The following WLS variants were observed in gnomAD, a reference collection of about 807,000 sequenced individuals.
The protein encoded by WLS is Wnt ligand secretion mediator.
Under a neutral mutation model 62.8 loss-of-function variants are expected in WLS, and 23 were observed. That is an observed-to-expected ratio of 0.37 (90% confidence interval 0.26 to 0.52). The LOEUF is 0.52. Ranked by LOEUF, WLS falls within the 20% of genes least tolerant of loss-of-function variation. The probability of loss-of-function intolerance (pLI) is 0.92; values close to 1 mark genes in which losing one functional copy is unlikely to be tolerated. For synonymous variants in WLS, 246 were observed against 244.1 expected (o/e 1.01, Z -0.07); for missense variants, 615 against 697.3 (o/e 0.88, Z 1.33).
At chr1:68,141,091 A>G (rs142690064) in intron 10 of WLS, among the ~76,000 whole-genome samples, 1 of 152,046 alleles carries the variant, frequency 6.6e-6, no homozygotes, top group African/African-American at 2.4e-5. Context: ...TTTGTGTGAA[A>G]CCACCCAATT....
At chr1:68,131,040 A>C (rs951381614) in intron 11 of WLS, among the ~76,000 whole-genome samples, 2 of 148,198 alleles carry the variant, frequency 1.3e-5, no homozygotes, top group African/African-American at 5.0e-5. Context: ...CTACAGGCGC[A>C]TGCCACCATG....
intron 5 of WLS, among the ~76,000 whole-genome samples, chr1:68,153,037 G>A (rs1228038125): frequency 6.6e-6 from 1 of 152,186 alleles, no homozygotes; most frequent in East Asian, 1.9e-4. Flanking sequence ...CCAGCACTTT[G>A]GGAAGCTGAA....
intron 1 of WLS, among the ~76,000 whole-genome samples, chr1:68,219,636 G>A (rs1649865204): frequency 6.6e-6 from 1 of 152,044 alleles, no homozygotes; most frequent in African/African-American, 2.4e-5. Flanking sequence ...AGATATTATT[G>A]GGTACCTACA....
chr1:68,162,394 A>G, intron 2 of WLS: 1 of 1,613,932 alleles, frequency 6.2e-7, no homozygotes, highest in Admixed American at 1.7e-5. Flanking sequence ...GCTCTGATAC[A>G]GCAAATCCTA....
At chr1:68,231,234 C>A (rs940096044) in intron 1 of WLS, among the ~76,000 whole-genome samples, 5 of 152,090 alleles carry the variant, frequency 3.3e-5, no homozygotes, top group Non-Finnish European at 7.4e-5. Context: ...AGGCGGTTTT[C>A]TTCACCCGGA....
At chr1:68,156,111 G>A (rs12068243) in intron 3 of WLS, among the ~76,000 whole-genome samples, 8,149 of 152,108 alleles carry the variant, frequency 0.054, 239 homozygotes, top group Middle Eastern at 0.11. Context: ...CAGGACTCCC[G>A]GCTGTGTACC....
chr1:68,229,014 T>C (rs1344375754), intron 1 of WLS, among the ~76,000 whole-genome samples: 1 of 150,790 alleles, frequency 6.6e-6, no homozygotes, highest in Non-Finnish European at 1.5e-5. Context: ...ATTTTCTCCA[T>C]CAAATCTAGA....
intron 1 of WLS, among the ~76,000 whole-genome samples, chr1:68,209,294 C>T (rs1260244740): frequency 6.6e-6 from 1 of 152,226 alleles, no homozygotes; most frequent in African/African-American, 2.4e-5. Flanking sequence ...TACAACACTT[C>T]ATTTTCAGAG....
At chr1:68,207,568 G>C (rs893105483) in intron 1 of WLS, among the ~76,000 whole-genome samples, 6 of 152,226 alleles carry the variant, frequency 3.9e-5, no homozygotes, top group Non-Finnish European at 8.8e-5. Context: ...AATGATTACA[G>C]AGTAGCAAGG....
At chr1:68,159,384 C>A in intron 2 of WLS, 137 bp from the exon 3 acceptor site, 1 of 1,173,864 alleles carries the variant, frequency 8.5e-7, no homozygotes, top group Non-Finnish European at 1.2e-6. Flanking sequence ...AAACTCCAAA[C>A]CTGAAGACTT....
At chr1:68,198,137 G>C (rs927475016) in intron 1 of WLS, among the ~76,000 whole-genome samples, 1 of 152,092 alleles carries the variant, frequency 6.6e-6, no homozygotes, top group Non-Finnish European at 1.5e-5. Flanking sequence ...ATAGTATAAG[G>C]TTTAACTGAA....
intron 11 of WLS, among the ~76,000 whole-genome samples, chr1:68,099,214 T>A (rs977837962): frequency 1.3e-5 from 2 of 152,132 alleles, no homozygotes; most frequent in Admixed American, 6.5e-5. Context: ...TATTTTTTTT[T>A]ATATGTCTTA....
chr1:68,104,426 C>T (rs1226156212), intron 11 of WLS, among the ~76,000 whole-genome samples: 2 of 152,154 alleles, frequency 1.3e-5, no homozygotes, highest in East Asian at 3.9e-4. Context: ...TGAGCAGCTG[C>T]ATCCCACTGC....
chr1:68,182,232 C>T (rs1296950477), intron 2 of WLS, among the ~76,000 whole-genome samples: 3 of 152,202 alleles, frequency 2.0e-5, no homozygotes, highest in African/African-American at 7.2e-5. Flanking sequence ...TTTGCAAATA[C>T]TTAACAAAAC....
chr1:68,226,210 A>G (rs1650133447), intron 1 of WLS, among the ~76,000 whole-genome samples: 1 of 152,202 alleles, frequency 6.6e-6, no homozygotes. Flanking sequence ...ATTCAGGCCT[A>G]AAAGTCAAGG....
At chr1:68,121,186 C>T (rs1041334016), downstream of WLS, 1 of 152,170 alleles carries the variant, frequency 6.6e-6, no homozygotes, top group African/African-American at 2.4e-5. Flanking sequence ...CTGGAGCAGT[C>T]CTGCCATCTG....
chr1:68,135,756 C>T (rs1199605361), intron 11 of WLS, among the ~76,000 whole-genome samples: 1 of 152,146 alleles, frequency 6.6e-6, no homozygotes, highest in Non-Finnish European at 1.5e-5. Flanking sequence ...CACAGGATGA[C>T]CATGGAATGA....
In WLS at chr1:68,217,903, T is replaced by C. The variant is rs113846761; in HGVS notation, c.106+14291A>G. Among the ~76,000 whole-genome samples, 701 of 152,318 alleles carry C rather than the reference T, an allele frequency of 4.6e-3. 12 individuals are homozygous for C. Among genetic ancestry groups the C allele is most frequent in the African/African-American group, 0.016 (676 of 41,558 alleles). ...ATTAAATTAACAACTTTGGAGGGCT[T>C]CAGTCCCAGTTCCCAGACATTAGCA... On this transcript the variant is annotated intron_variant, in intron 1 of 11. Transcript: ENST00000262348.
In WLS at chr1:68,169,386, C is replaced by T. The variant is rs189314503; in HGVS notation, c.380-10139G>A. 2.8e-3 allele frequency among the ~76,000 whole-genome samples: 433 copies of T among 152,208 alleles called. 1 individual carries two copies. Among genetic ancestry groups the T allele is most frequent in the Middle Eastern group, 0.02 (6 of 294 alleles). On this transcript the variant is annotated intron_variant, in intron 2 of 11. Transcript: ENST00000262348. Reference sequence around the variant, plus strand: ...TAAATAAATGAATCTGAAGTACCACCGAATATAGAAAAAAACCATATCTAT... The same window carrying T: ...TAAATAAATGAATCTGAAGTACCACTGAATATAGAAAAAAACCATATCTAT...
Sources: allele counts gnomAD v4.1 joint callset (sites outside exome capture counted in the v4.1 genomes callset), GRCh38; gene constraint gnomAD v4.1.1; transcripts MANE v1.5; gene names NCBI Gene and HGNC (gene_info 2026-07-23, HGNC 2026-07-21).